HADHB: variants seen among roughly 807,000 people sequenced by gnomAD.
HADHB encodes trifunctional enzyme subunit beta, mitochondrial.
In HADHB, 50 loss-of-function variants were observed where a neutral mutation model predicts 61.9. The observed-to-expected ratio is 0.81, with a 90% CI of 0.64 to 1.02. The LOEUF is 1.02. Ranked by LOEUF, HADHB falls within the 50% of genes least tolerant of loss-of-function variation. The probability of loss-of-function intolerance (pLI) is 0.00; values close to 1 mark genes in which losing one functional copy is unlikely to be tolerated. For synonymous variants in HADHB, 191 were observed against 201.6 expected (o/e 0.95, Z 0.45); for missense variants, 504 against 586.5 (o/e 0.86, Z 1.45).
chr2:26,264,566 A>AG (rs1671993023), intron 4 of HADHB, among the ~76,000 whole-genome samples: 1 of 151,306 alleles, frequency 6.6e-6, no homozygotes, highest in African/African-American at 2.4e-5. Context: ...AAAAAAAAAA[A>AG]AAAAAAAGCA....
chr2:26,249,598 C>T (rs1395231996), intron 1 of HADHB, among the ~76,000 whole-genome samples: 2 of 151,892 alleles, frequency 1.3e-5, no homozygotes, highest in Non-Finnish European at 2.9e-5. Context: ...TGGGATTCGG[C>T]CAGGACTCTT....
At chr2:26,267,588 A>G (rs746072052) in intron 4 of HADHB, among the ~76,000 whole-genome samples, 8 of 151,140 alleles carry the variant, frequency 5.3e-5, no homozygotes, top group Non-Finnish European at 8.9e-5. Context: ...CCTGGCCAAC[A>G]TGGTGAAACC....
Position 26,268,312 on chromosome 2 carries a change from A to G in HADHB, c.210-1641A>G, listed in dbSNP as rs187417972. ...AAAATATTTATCAATTACTATGATGATTTCGACATACGTCCGCAAAGTCTG... is the reference window on the plus strand; with the variant it reads ...AAAATATTTATCAATTACTATGATGGTTTCGACATACGTCCGCAAAGTCTG... On this transcript the variant is annotated intron_variant, in intron 4 of 15. Transcript: ENST00000317799. Among the ~76,000 whole-genome samples the G allele has an allele frequency of 1.8e-3, 267 of 152,350 alleles. 2 individuals are homozygous for G. The highest frequency in any genetic ancestry group is 6.8e-3 in the Middle Eastern group (2 of 294).
intron 6 of HADHB, among the ~76,000 whole-genome samples, chr2:26,274,955 A>G (rs1261559457): frequency 1.3e-5 from 2 of 152,142 alleles, no homozygotes; most frequent in Non-Finnish European, 2.9e-5. Context: ...CTAAAGCCAT[A>G]ATGTTTTCCT....
chr2:26,290,041 T>C lies in HADHB; in HGVS notation c.*88T>C. 1.1e-6 allele frequency: 1 copy of C among 900,862 alleles called. No homozygotes were observed. Among genetic ancestry groups the C allele is most frequent in the Non-Finnish European group, 1.9e-6 (1 of 531,536 alleles). 55.8% of individuals were successfully genotyped at this position (900,862 alleles called of 1,614,324 possible). ...ATGCATTACTAAATGACATTTGTAG[T>C]TCCTAGCTCCTCTTAGGAAAACAGT... is the stretch of plus-strand genomic sequence containing the variant. On this transcript the variant is annotated 3_prime_UTR_variant, in exon 16 of 16. Coordinates refer to ENST00000317799, the MANE Select transcript of HADHB (RefSeq NM_000183.3).
At chr2:26,249,479 C>A (rs945882773) in intron 1 of HADHB, among the ~76,000 whole-genome samples, 1 of 151,992 alleles carries the variant, frequency 6.6e-6, no homozygotes, top group Non-Finnish European at 1.5e-5. Context: ...CCGCTGTACT[C>A]CAGCCTGGGC....
chr2:26,254,606 G>C lies in HADHB; in HGVS notation c.109+132G>C, dbSNP rs1671535457. 3 of 670,968 alleles carry C rather than the reference G, an allele frequency of 4.5e-6. No homozygotes were observed. The South Asian group carries it at 5.0e-5, about 11-fold the overall frequency. 41.6% of individuals were successfully genotyped at this position (670,968 alleles called of 1,614,324 possible). On this transcript the variant is annotated intron_variant, in intron 3 of 15. Coordinates refer to ENST00000317799, the MANE Select transcript of HADHB (RefSeq NM_000183.3). ...TTTTTATGAGCACATGAACATCTCTGTTGCCTTCAAATTAAAAAATTATAG... is the reference window on the plus strand; with the variant it reads ...TTTTTATGAGCACATGAACATCTCTCTTGCCTTCAAATTAAAAAATTATAG...
intron 15 of HADHB, among the ~76,000 whole-genome samples, chr2:26,288,343 C>A (rs1036951001): frequency 3.9e-4 from 60 of 152,050 alleles, no homozygotes; most frequent in African/African-American, 1.3e-3. Context: ...ATTATGAATT[C>A]TTTCAGGACA....
At chr2:26,260,972 T>C (rs1671835952) in intron 3 of HADHB, 2 of 1,434,200 alleles carry the variant, frequency 1.4e-6, no homozygotes, top group Non-Finnish European at 1.9e-6. Context: ...TCCATGCTTC[T>C]TTGCCTAGAG....
At chr2:26,267,804 G>T (rs1186408445) in intron 4 of HADHB, among the ~76,000 whole-genome samples, 4 of 150,638 alleles carry the variant, frequency 2.7e-5, no homozygotes, top group Non-Finnish European at 5.9e-5. Flanking sequence ...AAATAAATGA[G>T]AAAGAATGAA....
At position 26,289,931 on chromosome 2, in the gene HADHB, T is replaced by C. The variant is rs1673195764; in HGVS notation, c.1403T>C (p.Ile468Thr). Residue 468 changes from isoleucine (I) to threonine (T), a missense_variant, in exon 16 of 16, where the codon ATA (isoleucine) becomes ACA (threonine). Transcript: ENST00000317799. ...TTTTCTTTACAGGGCCATGCTATGA[T>C]AGTGGAAGCTTATCCAAAATAATAG... ...CAAGGQGHAM[I>T]VEAYPK 2 of 1,608,958 alleles carry C rather than the reference T, an allele frequency of 1.2e-6. No homozygotes were observed. The highest frequency in any genetic ancestry group is 1.7e-6 in the Non-Finnish European group (2 of 1,175,434).
intron 4 of HADHB, among the ~76,000 whole-genome samples, chr2:26,264,089 G>T (rs1671970279): frequency 6.6e-6 from 1 of 152,212 alleles, no homozygotes; most frequent in South Asian, 2.1e-4. Context: ...GGTTTAAACT[G>T]TTCATTCTAT....
chr2:26,280,954 G>C (rs942859274), intron 10 of HADHB, among the ~76,000 whole-genome samples: 2 of 151,098 alleles, frequency 1.3e-5, no homozygotes, highest in African/African-American at 4.9e-5. Flanking sequence ...TTGGGGAAAA[G>C]TTAGGTTGGA....
intron 9 of HADHB, among the ~76,000 whole-genome samples, 194 bp downstream of exon 9, chr2:26,279,509 G>A (rs1387573131): frequency 6.6e-6 from 1 of 151,934 alleles, no homozygotes; most frequent in Non-Finnish European, 1.5e-5. Flanking sequence ...TTCTATAAGA[G>A]TGTCCTTTTA....
intron 1 of HADHB, among the ~76,000 whole-genome samples, chr2:26,249,466 G>A (rs144318504): frequency 0.031 from 4,643 of 152,150 alleles, 119 homozygotes; most frequent in Non-Finnish European, 0.048. Context: ...AGCCAAGATC[G>A]CGCCGCTGTA....
chr2:26,253,130 C>T (rs888728911), intron 1 of HADHB, among the ~76,000 whole-genome samples: 2 of 151,210 alleles, frequency 1.3e-5, no homozygotes, highest in African/African-American at 4.9e-5. Flanking sequence ...GCCTATTTGT[C>T]TGCTAGTGTT....
At chr2:26,260,002 C>T (rs1189510076) in intron 3 of HADHB, among the ~76,000 whole-genome samples, 1 of 151,136 alleles carries the variant, frequency 6.6e-6, no homozygotes, top group Non-Finnish European at 1.5e-5. Context: ...CCGAGTAAAA[C>T]AAGCTATTTG....
intron 13 of HADHB, 124 bp from the exon 14 acceptor site, chr2:26,284,759 G>A (rs1672952775): frequency 5.4e-6 from 4 of 740,758 alleles, no homozygotes; most frequent in Non-Finnish European, 1.0e-5. Context: ...GAGCCACTGT[G>A]CCTGGCCGAT....
At chr2:26,266,840 A>G (rs1672100749) in intron 4 of HADHB, among the ~76,000 whole-genome samples, 1 of 135,498 alleles carries the variant, frequency 7.4e-6, no homozygotes, top group African/African-American at 2.7e-5. Context: ...CCAGCCCTCC[A>G]GCCTTGGTGA....
Sources: gnomAD v4.1 joint callset for allele counts (sites outside exome capture counted in the v4.1 genomes callset) on GRCh38, gnomAD v4.1.1 for gene constraint, MANE v1.5 for transcripts, NCBI Gene and HGNC (gene_info 2026-07-23, HGNC 2026-07-21) for gene names.